The following MMP26 variants were observed in gnomAD, a reference collection of about 807,000 sequenced individuals.
MMP26 encodes the protein matrix metallopeptidase 26, also known as matrix metalloproteinase-26.
Under a neutral mutation model 31.0 loss-of-function variants are expected in MMP26, and 33 were observed. The ratio of observed to expected loss-of-function variants is 1.06; its 90% CI spans 0.81 to 1.42. The LOEUF is 1.42. Ranked by LOEUF, MMP26 falls within the 40% of genes most tolerant of loss-of-function variation. The pLI is 0.00. For synonymous variants in MMP26, 122 were observed against 114.9 expected, an observed-to-expected ratio of 1.06 and a Z score of -0.40; for missense variants, 347 against 316.1, an observed-to-expected ratio of 1.10 and a Z score of -0.74.
At chr11:4,920,145 C>T (rs1207245073) in intron 2 of MMP26, among the ~76,000 whole-genome samples, 1 of 152,102 alleles carries the variant, frequency 6.6e-6, no homozygotes, top group Non-Finnish European at 1.5e-5. Flanking sequence ...TTGTGGATAT[C>T]TAGATTTCTG....
chr11:4,990,011 G>C (rs1384355814), intron 4 of MMP26, 143 bp downstream of exon 4: 1 of 639,826 alleles, frequency 1.6e-6, no homozygotes, highest in African/African-American at 1.8e-5. Context: ...CTCAGAGAAG[G>C]TAATACTACC....
intron 2 of MMP26, among the ~76,000 whole-genome samples, chr11:4,794,704 T>G (rs569933284): frequency 1.8e-4 from 27 of 152,286 alleles, no homozygotes; most frequent in African/African-American, 6.5e-4. Flanking sequence ...CATTCTAAGC[T>G]AAACCCTTTG....
intron 2 of MMP26, chr11:4,914,858 A>G: frequency 6.2e-7 from 1 of 1,614,102 alleles, no homozygotes; most frequent in African/African-American, 1.3e-5. Context: ...CTGCTTTCCA[A>G]AGCGATGGAT....
chr11:4,737,621 C>A (rs1334943369), intron 1 of MMP26, among the ~76,000 whole-genome samples: 6 of 152,270 alleles, frequency 3.9e-5, no homozygotes, highest in African/African-American at 1.2e-4. Context: ...CCAGCTTGGG[C>A]AACAAGAGTG....
At position 4,810,081 on chromosome 11, in the gene MMP26, T is replaced by C. The variant is rs564238515; in HGVS notation, c.-145+42740T>C. Reference sequence around the variant, plus strand: ...CCAGTGCCTCACATGCACACTGGCTTCCTTCTGAGACTGGAGACTAGAGCT... The same window carrying C: ...CCAGTGCCTCACATGCACACTGGCTCCCTTCTGAGACTGGAGACTAGAGCT... On this transcript the variant is annotated intron_variant, in intron 2 of 7. Transcript: ENST00000380390. 1.2e-4 allele frequency among the ~76,000 whole-genome samples: 19 copies of C among 152,346 alleles called. No homozygotes were observed. In the East Asian group the frequency reaches 3.3e-3, roughly 26 times the overall value.
At chr11:4,800,457 C>T (rs1447670889) in intron 2 of MMP26, among the ~76,000 whole-genome samples, 1 of 152,184 alleles carries the variant, frequency 6.6e-6, no homozygotes, top group Non-Finnish European at 1.5e-5. Flanking sequence ...GGAGAGTGGT[C>T]CCTAGGCCTG....
chr11:4,966,052 GA>G (rs1444605364), intron 2 of MMP26, among the ~76,000 whole-genome samples: 1 of 152,072 alleles, frequency 6.6e-6, no homozygotes, highest in Non-Finnish European at 1.5e-5. Context: ...ATGGGAGAGA[GA>G]AAAAATATGT....
At chr11:4,727,189 TAAA>T in intron 1 of MMP26, among the ~76,000 whole-genome samples, 1 of 151,970 alleles carries the variant, frequency 6.6e-6, no homozygotes, top group South Asian at 2.1e-4. Context: ...AATAAGAAAA[TAAA>T]AACAAAAACA....
chr11:4,808,928 T>C lies in MMP26; in HGVS notation c.-145+41587T>C, dbSNP rs7121961. ...GTCAGTGATTCCCTTATCTTCCTTTTCTCACAGACTTATGAACATAACACA... is the reference window on the plus strand; with the variant it reads ...GTCAGTGATTCCCTTATCTTCCTTTCCTCACAGACTTATGAACATAACACA... On this transcript the variant is annotated intron_variant, in intron 2 of 7. Coordinates refer to ENST00000380390, the MANE Select transcript of MMP26 (RefSeq NM_021801.5). Among the ~76,000 whole-genome samples the C allele has an allele frequency of 5.0e-3, 760 of 150,854 alleles. 5 individuals carry two copies. The highest frequency in any genetic ancestry group is 0.017 in the African/African-American group (697 of 40,998).
At chr11:4,781,624 G>GTATTAAAC (rs1238850220) in intron 2 of MMP26, among the ~76,000 whole-genome samples, 1 of 120,620 alleles carries the variant, frequency 8.3e-6, no homozygotes, top group African/African-American at 2.9e-5. Flanking sequence ...GCATAATCAA[G>GTATTAAAC]TATTAAACTA....
At chr11:4,811,447 C>A (rs1242720041) in intron 2 of MMP26, among the ~76,000 whole-genome samples, 1 of 152,150 alleles carries the variant, frequency 6.6e-6, no homozygotes, top group Admixed American at 6.5e-5. Context: ...TAAATGAGAA[C>A]ATGTGGTATT....
At chr11:4,780,232 A>C (rs1448388751) in intron 2 of MMP26, among the ~76,000 whole-genome samples, 1 of 152,154 alleles carries the variant, frequency 6.6e-6, no homozygotes, top group African/African-American at 2.4e-5. Context: ...TTTCTAGTTC[A>C]TAAGGAATGC....
At chr11:4,835,438 T>G (rs1402376178) in intron 2 of MMP26, among the ~76,000 whole-genome samples, 1 of 152,152 alleles carries the variant, frequency 6.6e-6, no homozygotes, top group African/African-American at 2.4e-5. Flanking sequence ...TCCCCTTAAC[T>G]TATCAGTCAA....
At chr11:4,804,268 T>C (rs933607793) in intron 2 of MMP26, 2 of 1,613,680 alleles carry the variant, frequency 1.2e-6, no homozygotes, top group Non-Finnish European at 1.7e-6. Context: ...AGCCACAGCA[T>C]ACGTGGCACA....
chr11:4,751,304 T>A (rs184921601), intron 1 of MMP26, among the ~76,000 whole-genome samples: 5 of 152,274 alleles, frequency 3.3e-5, no homozygotes, highest in Admixed American at 3.3e-4. Context: ...AAAGCTATAA[T>A]AATGTACACA....
intron 2 of MMP26, chr11:4,876,627 C>G (rs1850382702): frequency 6.6e-6 from 1 of 152,210 alleles, no homozygotes; most frequent in Non-Finnish European, 1.5e-5. Context: ...CCAGGAATGC[C>G]AGAGAAAGAC....
chr11:4,978,460 A>C (rs1048292017), intron 2 of MMP26, among the ~76,000 whole-genome samples: 3 of 152,080 alleles, frequency 2.0e-5, no homozygotes, highest in Non-Finnish European at 4.4e-5. Flanking sequence ...TAATAAAATT[A>C]TGTCTTTTGG....
chr11:4,709,811 C>A (rs1453985508), intron 1 of MMP26: 2 of 457,480 alleles, frequency 4.4e-6, no homozygotes, highest in East Asian at 6.9e-5. Flanking sequence ...CTACATTGAC[C>A]ACCATGCTGG....
At chr11:4,792,170 G>A (rs1232428878) in intron 2 of MMP26, among the ~76,000 whole-genome samples, 1 of 148,490 alleles carries the variant, frequency 6.7e-6, no homozygotes, top group Non-Finnish European at 1.5e-5. Context: ...TACTTGAAAA[G>A]TACAAGTGTT....
Sources: allele counts gnomAD v4.1 joint callset (sites outside exome capture counted in the v4.1 genomes callset), GRCh38; gene constraint gnomAD v4.1.1; transcripts MANE v1.5; gene names NCBI Gene and HGNC (gene_info 2026-07-23, HGNC 2026-07-21).